Variants in SGCZ observed in about 807,000 individuals in gnomAD.
The protein encoded by SGCZ is zeta-sarcoglycan.
In SGCZ, 40 loss-of-function variants were observed where a neutral mutation model predicts 41.3. The ratio of observed to expected loss-of-function variants is 0.97; its 90% confidence interval spans 0.75 to 1.26. The LOEUF (loss-of-function observed/expected upper bound fraction) is 1.26. SGCZ is among the 50% of genes most tolerant of loss of function. The pLI, the probability that SGCZ is intolerant of heterozygous loss-of-function variation, is 0.00. For missense variants in SGCZ, 552 were observed against 369.8 expected, an observed-to-expected ratio of 1.49 and a Z score of -4.04; for synonymous variants, 206 against 137.5, an observed-to-expected ratio of 1.50 and a Z score of -3.49.
chr8:14,570,999 A>C (rs1198368322), intron 1 of SGCZ, among the ~76,000 whole-genome samples: 1 of 152,228 alleles, frequency 6.6e-6, no homozygotes, highest in Admixed American at 6.5e-5. Flanking sequence ...ATTAGTCATT[A>C]CCTTGACAGG....
At chr8:14,611,036 T>C (rs986823736) in intron 1 of SGCZ, among the ~76,000 whole-genome samples, 1 of 152,142 alleles carries the variant, frequency 6.6e-6, no homozygotes, top group Non-Finnish European at 1.5e-5. Context: ...AAAGCAAGAA[T>C]CAAGAAAGAA....
intron 1 of SGCZ, among the ~76,000 whole-genome samples, chr8:14,570,522 A>G (rs1804518573): frequency 6.6e-6 from 1 of 152,236 alleles, no homozygotes; most frequent in South Asian, 2.1e-4. Flanking sequence ...ATAACAGCTT[A>G]TCTAAGATAT....
At chr8:14,617,996 G>T (rs1220140748) in intron 1 of SGCZ, among the ~76,000 whole-genome samples, 1 of 151,926 alleles carries the variant, frequency 6.6e-6, no homozygotes, top group Admixed American at 6.6e-5. Flanking sequence ...GAAGTCCAGA[G>T]ACCTCTTTGA....
intron 1 of SGCZ, among the ~76,000 whole-genome samples, chr8:14,818,521 C>A (rs1040723828): frequency 3.3e-5 from 5 of 152,000 alleles, no homozygotes; most frequent in African/African-American, 1.2e-4. Context: ...ACAGCAAACA[C>A]GAAAAGTCAA....
chr8:14,695,942 A>G (rs1285384300), intron 1 of SGCZ, among the ~76,000 whole-genome samples: 1 of 152,234 alleles, frequency 6.6e-6, no homozygotes, highest in Non-Finnish European at 1.5e-5. Flanking sequence ...AATAAAAATA[A>G]AAGCTAAAAC....
intron 1 of SGCZ, among the ~76,000 whole-genome samples, chr8:14,737,755 G>A (rs1012617366): frequency 3.9e-5 from 6 of 152,018 alleles, no homozygotes; most frequent in African/African-American, 1.2e-4. Flanking sequence ...ATTCGAGCCT[G>A]TGCTAATGAC....
At chr8:14,884,376 A>T (rs1482987932) in intron 1 of SGCZ, among the ~76,000 whole-genome samples, 1 of 152,128 alleles carries the variant, frequency 6.6e-6, no homozygotes, top group East Asian at 1.9e-4. Flanking sequence ...ATAAGTTCAC[A>T]AATAATTATT....
intron 4 of SGCZ, among the ~76,000 whole-genome samples, chr8:14,173,155 T>A (rs983112025): frequency 2.9e-5 from 4 of 137,890 alleles, no homozygotes; most frequent in Non-Finnish European, 6.9e-5. Context: ...ATAAACTAAC[T>A]TCCTGCTTTG....
intron 3 of SGCZ, among the ~76,000 whole-genome samples, chr8:14,307,695 T>C (rs1432789162): frequency 6.6e-6 from 1 of 152,176 alleles, no homozygotes; most frequent in Non-Finnish European, 1.5e-5. Flanking sequence ...TTTTATTATC[T>C]GATATAAATT....
At position 14,495,986 on chromosome 8, in the gene SGCZ, G is replaced by A. The variant is rs73529004; in HGVS notation, c.234+58746C>T. On this transcript the variant is annotated intron_variant, in intron 2 of 7. Transcript: ENST00000382080. ...TACAGAGAAACAGCTGGAACACTGG[G>A]AATACACAAAATATTTAATCTACAG... Among the ~76,000 whole-genome samples the A allele has an allele frequency of 8.9e-3, 1,347 of 152,156 alleles. 18 individuals are homozygous for A. The highest frequency in any genetic ancestry group is 0.031 in the African/African-American group (1,272 of 41,520).
chr8:14,423,028 AAAAAC>A (rs1460080776), intron 2 of SGCZ, among the ~76,000 whole-genome samples: 1 of 152,136 alleles, frequency 6.6e-6, no homozygotes, highest in Non-Finnish European at 1.5e-5. Flanking sequence ...ACCCTGTATT[AAAAAC>A]AAAACAAAAC....
intron 1 of SGCZ, among the ~76,000 whole-genome samples, chr8:14,698,270 A>G (rs1171503770): frequency 6.6e-6 from 1 of 151,946 alleles, no homozygotes; most frequent in East Asian, 1.9e-4. Flanking sequence ...AAACTACACC[A>G]TAATTCTTAA....
chr8:15,131,961 G>C (rs1411605049), intron 1 of SGCZ, among the ~76,000 whole-genome samples: 1 of 152,150 alleles, frequency 6.6e-6, no homozygotes, highest in Non-Finnish European at 1.5e-5. Context: ...TAATTACTAA[G>C]CAACTCTTAT....
chr8:14,545,391 T>C (rs1046524453), intron 2 of SGCZ, among the ~76,000 whole-genome samples: 6 of 146,802 alleles, frequency 4.1e-5, no homozygotes, highest in African/African-American at 1.3e-4. Flanking sequence ...ATTTCAATTA[T>C]ACTTTTGAAA....
intron 5 of SGCZ, among the ~76,000 whole-genome samples, chr8:14,138,180 G>T (rs1803259527): frequency 6.6e-6 from 1 of 152,114 alleles, no homozygotes; most frequent in Non-Finnish European, 1.5e-5. Flanking sequence ...CCTGAAGGAA[G>T]CACTCAACAT....
chr8:14,233,449 C>T (rs541325491), intron 4 of SGCZ, among the ~76,000 whole-genome samples: 3 of 150,950 alleles, frequency 2.0e-5, no homozygotes, highest in Non-Finnish European at 4.4e-5. Flanking sequence ...TAATTATCCT[C>T]ATGATATTGT....
chr8:14,318,432 A>C (rs549902090), intron 3 of SGCZ, among the ~76,000 whole-genome samples: 1 of 152,012 alleles, frequency 6.6e-6, no homozygotes, highest in Admixed American at 6.6e-5. Context: ...GTCAAAAAAA[A>C]GATTATTTCA....
intron 1 of SGCZ, among the ~76,000 whole-genome samples, chr8:15,085,429 G>C (rs557764806): frequency 4.6e-5 from 7 of 152,104 alleles, no homozygotes; most frequent in African/African-American, 1.4e-4. Context: ...CCATTCATCA[G>C]GAAAACAAAA....
At chr8:14,676,971 A>T (rs962819602) in intron 1 of SGCZ, among the ~76,000 whole-genome samples, 1 of 152,160 alleles carries the variant, frequency 6.6e-6, no homozygotes, top group Non-Finnish European at 1.5e-5. Flanking sequence ...TAATGCAATA[A>T]GAAAGAAAAA....
Sources: allele counts gnomAD v4.1 joint callset (sites outside exome capture counted in the v4.1 genomes callset), GRCh38; gene constraint gnomAD v4.1.1; transcripts MANE v1.5; gene names NCBI Gene and HGNC (gene_info 2026-07-23, HGNC 2026-07-21).